Variants in NELL1 observed in about 807,000 individuals in gnomAD.
NELL1 encodes neural EGFL like 1.
NELL1 carries 76 observed loss-of-function variants against 107.4 expected under a neutral mutation model. The observed-to-expected ratio is 0.71, with a 90% CI of 0.59 to 0.86. The LOEUF (loss-of-function observed/expected upper bound fraction) is 0.86, where lower values mean the gene tolerates loss of function less well. Among genes scored for constraint, NELL1 ranks in the 40% least tolerant of loss-of-function variants. The probability of loss-of-function intolerance (pLI) is 0.00; values close to 1 mark genes in which losing one functional copy is unlikely to be tolerated. For synonymous variants in NELL1, 353 were observed against 341.2 expected (o/e 1.03, Z -0.38); for missense variants, 1,024 against 1,005.5 (o/e 1.02, Z -0.25).
At chr11:21,515,926 TCTCAGCAATGCTGTTG>T (rs1855550282) in intron 15 of NELL1, among the ~76,000 whole-genome samples, 1 of 152,166 alleles carries the variant, frequency 6.6e-6, no homozygotes, top group Non-Finnish European at 1.5e-5. Context: ...CTGGGTGTCT[TCTCAGCAATGCTGTTG>T]CTTCTCAGTA....
intron 15 of NELL1, among the ~76,000 whole-genome samples, chr11:21,528,511 A>AC (rs1554929481): frequency 0.03 from 1,396 of 46,240 alleles, 13 homozygotes; most frequent in East Asian, 0.11. Flanking sequence ...GCACATACCC[A>AC]CCCCCCCCCC....
chr11:20,690,065 C>T (rs377542941), intron 2 of NELL1, among the ~76,000 whole-genome samples: 6 of 151,940 alleles, frequency 3.9e-5, no homozygotes, highest in South Asian at 2.1e-4. Context: ...CATGTGTCTT[C>T]TGGCTGCATA....
At chr11:21,046,551 C>G (rs1853358374) in intron 12 of NELL1, among the ~76,000 whole-genome samples, 1 of 152,088 alleles carries the variant, frequency 6.6e-6, no homozygotes, top group Non-Finnish European at 1.5e-5. Context: ...TTGTTCTTTT[C>G]TTATCAATAC....
At chr11:20,770,355 C>G (rs1488316340) in intron 2 of NELL1, among the ~76,000 whole-genome samples, 2 of 152,148 alleles carry the variant, frequency 1.3e-5, no homozygotes, top group Non-Finnish European at 2.9e-5. Flanking sequence ...TAAAGAAAAA[C>G]AGCAAGTCTG....
At chr11:21,268,731 C>A (rs920041827) in intron 14 of NELL1, among the ~76,000 whole-genome samples, 4 of 152,124 alleles carry the variant, frequency 2.6e-5, no homozygotes, top group African/African-American at 9.7e-5. Context: ...CATAATACAT[C>A]ATGTCATGTC....
In NELL1 at chr11:20,943,223, A is replaced by G. The variant is rs553069715; in HGVS notation, c.1072-4113A>G. Among the ~76,000 whole-genome samples, 11 of 152,318 alleles carry G rather than the reference A, an allele frequency of 7.2e-5. No individual in the cohort carries two copies. The South Asian group carries it at 2.1e-3, about 29-fold the overall frequency. ...TATAGTTATTTACTAATTACTTTGT[A>G]TACAAGAAAGAGTTATTGACAATAA... On this transcript the variant is annotated intron_variant, in intron 10 of 19. Transcript: ENST00000357134.
chr11:20,837,509 G>A (rs569018113), intron 3 of NELL1, among the ~76,000 whole-genome samples: 1 of 152,258 alleles, frequency 6.6e-6, no homozygotes, highest in Admixed American at 6.5e-5. Context: ...ACACATAGTG[G>A]CCAAATCTTG....
At chr11:20,752,100 A>G (rs536773865) in intron 2 of NELL1, among the ~76,000 whole-genome samples, 1 of 152,318 alleles carries the variant, frequency 6.6e-6, no homozygotes, top group African/African-American at 2.4e-5. Context: ...CTTACAGTAC[A>G]GTGGTAAATA....
In NELL1 at chr11:21,105,357, T is replaced by A. The variant is rs552504797; in HGVS notation, c.1301-8232T>A. 1.9e-4 allele frequency among the ~76,000 whole-genome samples: 29 copies of A among 152,244 alleles called. No individual in the cohort carries two copies. The East Asian group carries it at 5.2e-3, about 28-fold the overall frequency. ...ACAGGCTTGATGAGACAGTGTCTGA[T>A]TTACATAGGGCCAAAAGACTGGTTG... On this transcript the variant is annotated intron_variant, in intron 12 of 19. Transcript: ENST00000357134.
intron 14 of NELL1, among the ~76,000 whole-genome samples, chr11:21,240,636 G>C (rs1858329131): frequency 6.6e-6 from 1 of 151,882 alleles, no homozygotes; most frequent in South Asian, 2.1e-4. Context: ...AACAAGATTG[G>C]GGCAAGGCAA....
chr11:21,148,994 A>G (rs1856050303), intron 13 of NELL1, among the ~76,000 whole-genome samples: 1 of 152,156 alleles, frequency 6.6e-6, no homozygotes, highest in African/African-American at 2.4e-5. Context: ...TCTCTTTCTA[A>G]CATCACTCAC....
intron 15 of NELL1, among the ~76,000 whole-genome samples, chr11:21,459,336 A>T (rs974554288): frequency 1.7e-4 from 24 of 143,416 alleles, no homozygotes; most frequent in South Asian, 4.6e-4. Flanking sequence ...CATTAATGAA[A>T]AGTTACAGTG....
chr11:20,880,470 A>T (rs1007013133), intron 4 of NELL1, among the ~76,000 whole-genome samples: 2 of 152,248 alleles, frequency 1.3e-5, no homozygotes, highest in Non-Finnish European at 2.9e-5. Context: ...AATACAGAGA[A>T]ATTAAATTAC....
chr11:20,986,158 G>A (rs763616371), intron 12 of NELL1, among the ~76,000 whole-genome samples: 2 of 152,062 alleles, frequency 1.3e-5, no homozygotes, highest in Non-Finnish European at 2.9e-5. Flanking sequence ...TCCCTTTTGT[G>A]ATACACCCAG....
At chr11:20,684,639 C>A (rs1349393967) in intron 2 of NELL1, among the ~76,000 whole-genome samples, 1 of 152,028 alleles carries the variant, frequency 6.6e-6, no homozygotes, top group Non-Finnish European at 1.5e-5. Flanking sequence ...TGATTAATGG[C>A]CAGTCATTGT....
At chr11:21,300,046 G>A (rs1590816770) in intron 14 of NELL1, among the ~76,000 whole-genome samples, 1 of 151,804 alleles carries the variant, frequency 6.6e-6, no homozygotes, top group East Asian at 1.9e-4. Flanking sequence ...CACAAATAAT[G>A]AATATTATTT....
intron 4 of NELL1, among the ~76,000 whole-genome samples, chr11:20,884,243 A>G (rs1849462603): frequency 6.6e-6 from 1 of 152,190 alleles, no homozygotes; most frequent in African/African-American, 2.4e-5. Context: ...CCTTGACACA[A>G]GTGGACAGTC....
intron 14 of NELL1, 71 bp downstream of exon 14, chr11:21,229,525 A>G (rs765564757): frequency 1.2e-5 from 19 of 1,595,294 alleles, no homozygotes; most frequent in Non-Finnish European, 1.5e-5. Flanking sequence ...TGTGCGTCGG[A>G]CCTTCTTGGT....
At chr11:21,554,735 T>C (rs1856666529) in intron 16 of NELL1, among the ~76,000 whole-genome samples, 1 of 151,892 alleles carries the variant, frequency 6.6e-6, no homozygotes, top group African/African-American at 2.4e-5. Context: ...TACATTTTTC[T>C]ACATAATGGG....
Sources: gnomAD v4.1 joint callset for allele counts (sites outside exome capture counted in the v4.1 genomes callset) on GRCh38, gnomAD v4.1.1 for gene constraint, MANE v1.5 for transcripts, NCBI Gene and HGNC (gene_info 2026-07-23, HGNC 2026-07-21) for gene names.